RANBP9: variants seen among roughly 807,000 people sequenced by gnomAD.
RANBP9 encodes the protein RAN binding protein 9.
Under a neutral mutation model 84.3 loss-of-function variants are expected in RANBP9, and 15 were observed. The observed-to-expected ratio is 0.18, with a 90% CI of 0.12 to 0.27. RANBP9 has a LOEUF of 0.27. Among genes scored for constraint, RANBP9 ranks in the 10% least tolerant of loss-of-function variants. The probability of loss-of-function intolerance (pLI) is 1.00; values close to 1 mark genes in which losing one functional copy is unlikely to be tolerated. For missense variants in RANBP9, 809 were observed against 912.8 expected (o/e 0.89, Z 1.46); for synonymous variants, 392 against 349.6 (o/e 1.12, Z -1.35).
chr6:13,644,379 A>G (rs1448680778), intron 6 of RANBP9, among the ~76,000 whole-genome samples, 166 bp downstream of exon 6: 2 of 151,384 alleles, frequency 1.3e-5, no homozygotes, highest in African/African-American at 4.9e-5. Context: ...AATTTGTTTA[A>G]ATAGTGGAGT....
At chr6:13,707,793 C>T (rs2113374104) in intron 1 of RANBP9, among the ~76,000 whole-genome samples, 1 of 152,138 alleles carries the variant, frequency 6.6e-6, no homozygotes, top group African/African-American at 2.4e-5. Context: ...GTTGTTGAAA[C>T]ATTTAAACTA....
intron 10 of RANBP9, among the ~76,000 whole-genome samples, chr6:13,635,230 CCTGGATAG>C (rs1329449582): frequency 6.6e-6 from 1 of 152,118 alleles, no homozygotes; most frequent in Non-Finnish European, 1.5e-5. Flanking sequence ...AAACTGATGT[CCTGGATAG>C]TTTCCAGTTT....
chr6:13,683,705 G>T (rs1766098773), intron 2 of RANBP9, among the ~76,000 whole-genome samples: 1 of 151,566 alleles, frequency 6.6e-6, no homozygotes, highest in African/African-American at 2.4e-5. Flanking sequence ...CTATTTCACA[G>T]GATTTGTTTA....
At position 13,622,195 on chromosome 6, in the gene RANBP9, G is replaced by T; in HGVS notation, c.*167C>A. ...GGAAAATAATTTCTCCTAACACTAA[G>T]TTAGAAAATCATTTGCATCATGCTG... is the stretch of plus-strand genomic sequence containing the variant. On this transcript the variant is annotated 3_prime_UTR_variant, in exon 14 of 14. Coordinates refer to ENST00000011619, the MANE Select transcript of RANBP9 (RefSeq NM_005493.3). 1 of 610,340 alleles carries T rather than the reference G, an allele frequency of 1.6e-6. No individual in the cohort carries two copies. Among genetic ancestry groups the T allele is most frequent in the Non-Finnish European group, 2.4e-6 (1 of 418,636 alleles). The allele number at this position is 610,340 out of a possible 1,614,324, so 37.8% of individuals were successfully genotyped here.
rs773401034 is a variant in RANBP9, at chr6:13,639,646, A to T, written c.1442T>A (p.Phe481Tyr). Residue 481 changes from phenylalanine (F) to tyrosine (Y), a missense_variant, in exon 9 of 14, where the codon TTT (phenylalanine) becomes TAT (tyrosine). Phe to Tyr is a conservative substitution (Grantham distance 22). Around this residue, in one of 5 missense-constraint regions of RANBP9, gnomAD observed 216 missense variants for 329.0 expected, o/e 0.66. Transcript: ENST00000011619. ...GCTGGGGCTCATACTTGGACTACTA[A>T]AAGGTCGAGGACTAACAGGATAACT... ...QDSYPVSPRP[F>Y]SSPSMSPSHG... The T allele has an allele frequency of 1.9e-6, 3 of 1,613,134 alleles. No individual in the cohort carries two copies. In the African/African-American group the frequency reaches 4.0e-5, roughly 22 times the overall value.
chr6:13,640,942 C>T (rs1029817158), intron 8 of RANBP9, among the ~76,000 whole-genome samples: 1 of 152,066 alleles, frequency 6.6e-6, no homozygotes, highest in Non-Finnish European at 1.5e-5. Context: ...CACCCATCTT[C>T]TAAATAAGAT....
intron 5 of RANBP9, among the ~76,000 whole-genome samples, chr6:13,650,739 C>T (rs6458997): frequency 0.4 from 61,265 of 151,960 alleles, 12,839 homozygotes; most frequent in Admixed American, 0.51. Context: ...ACGGAGAAGA[C>T]AGTATCACAT....
intron 6 of RANBP9, 72 bp downstream of exon 6, chr6:13,644,473 G>C: frequency 6.8e-7 from 1 of 1,461,658 alleles, no homozygotes; most frequent in South Asian, 1.3e-5. Context: ...AGCTTCTGTG[G>C]ATACCAACAG....
chr6:13,628,483 T>A (rs932288692), intron 12 of RANBP9, among the ~76,000 whole-genome samples: 2 of 152,166 alleles, frequency 1.3e-5, no homozygotes, highest in African/African-American at 4.8e-5. Flanking sequence ...AAGCTTCAAG[T>A]TTTTCCAATA....
At chr6:13,671,064 G>A (rs1407486557) in intron 2 of RANBP9, among the ~76,000 whole-genome samples, 1 of 152,092 alleles carries the variant, frequency 6.6e-6, no homozygotes, top group African/African-American at 2.4e-5. Context: ...CAATAAGCAA[G>A]TAAAACTATG....
chr6:13,698,245 T>C (rs934046040), intron 1 of RANBP9, among the ~76,000 whole-genome samples: 1 of 151,966 alleles, frequency 6.6e-6, no homozygotes, highest in South Asian at 2.1e-4. Flanking sequence ...CTGGTGACCA[T>C]AAGGAGTCAA....
intron 5 of RANBP9, among the ~76,000 whole-genome samples, chr6:13,645,609 G>A (rs1265803295): frequency 1.3e-5 from 2 of 152,154 alleles, no homozygotes; most frequent in Admixed American, 1.3e-4. Flanking sequence ...GAGAAAATGA[G>A]GATTCAAGGT....
rs117188366 is a variant in RANBP9 at position 13,681,840 on chromosome 6, G to A, written c.683+14945C>T. ...GAAGGGGGAAGAAAAAAAGGATGAC[G>A]TGAACCTTCTGTGAAGTGCCTTCTT... On this transcript the variant is annotated intron_variant, in intron 2 of 13. Coordinates refer to ENST00000011619, the MANE Select transcript of RANBP9 (RefSeq NM_005493.3). 3.2e-4 allele frequency among the ~76,000 whole-genome samples: 49 copies of A among 152,128 alleles called. 2 individuals are homozygous for A. In the East Asian group the frequency reaches 9.5e-3, roughly 29 times the overall value.
Position 13,644,194 on chromosome 6 carries a change from T to C in RANBP9, c.1112+351A>G, listed in dbSNP as rs140744271. On this transcript the variant is annotated intron_variant, in intron 6 of 13. Transcript: ENST00000011619. Reference sequence around the variant, plus strand: ...CTAGATTATCTCTCAACTTTATCTTTTCCATTAACATTATTAAAAGTTAAA... The same window carrying C: ...CTAGATTATCTCTCAACTTTATCTTCTCCATTAACATTATTAAAAGTTAAA... Among the ~76,000 whole-genome samples the C allele has an allele frequency of 5.2e-3, 795 of 152,306 alleles. 4 individuals are homozygous for C. Among genetic ancestry groups the C allele is most frequent in the African/African-American group, 0.018 (750 of 41,574 alleles).
At chr6:13,638,496 G>C (rs1026800939) in intron 9 of RANBP9, among the ~76,000 whole-genome samples, 1 of 151,982 alleles carries the variant, frequency 6.6e-6, no homozygotes, top group Non-Finnish European at 1.5e-5. Flanking sequence ...GGGAAATGCA[G>C]AATTAAAGAG....
chr6:13,703,022 AG>A (rs1758013681), intron 1 of RANBP9, among the ~76,000 whole-genome samples: 1 of 152,128 alleles, frequency 6.6e-6, no homozygotes, highest in Non-Finnish European at 1.5e-5. Flanking sequence ...GAAGGTGGGG[AG>A]GCTGTTTGAG....
intron 2 of RANBP9, 26 bp downstream of exon 2, chr6:13,696,759 G>C (rs749801771): frequency 4.5e-6 from 7 of 1,554,506 alleles, no homozygotes; most frequent in South Asian, 1.2e-5. Context: ...ACTAGCAAAC[G>C]ATTTTTCTCA....
At chr6:13,702,586 G>T (rs1054054256) in intron 1 of RANBP9, among the ~76,000 whole-genome samples, 1 of 152,092 alleles carries the variant, frequency 6.6e-6, no homozygotes, top group African/African-American at 2.4e-5. Flanking sequence ...AAATGACACA[G>T]TGGTCTCTAA....
In RANBP9 at chr6:13,658,661, A is replaced by G. The variant is rs115875006; in HGVS notation, c.736+119T>C. 4,008 of 887,464 alleles carry G rather than the reference A, an allele frequency of 4.5e-3. 107 individuals carry two copies. The African/African-American group carries it at 0.06, about 13-fold the overall frequency. 55.0% of individuals were successfully genotyped at this position (887,464 alleles called of 1,614,324 possible). ...CACTCAGCTTTCACTTAAAATTCATAATGATGATTAAAAACACAGAAAATC... is the reference window on the plus strand; with the variant it reads ...CACTCAGCTTTCACTTAAAATTCATGATGATGATTAAAAACACAGAAAATC... On this transcript the variant is annotated intron_variant, in intron 3 of 13. Transcript: ENST00000011619.
Sources: allele counts gnomAD v4.1 joint callset (sites outside exome capture counted in the v4.1 genomes callset), GRCh38; gene constraint gnomAD v4.1.1; regional missense constraint gnomAD v4.1.1; transcripts MANE v1.5; gene names NCBI Gene and HGNC (gene_info 2026-07-23, HGNC 2026-07-21).